The following ARHGAP28 variants were observed in gnomAD, a reference collection of about 807,000 sequenced individuals.
ARHGAP28 encodes the protein rho GTPase-activating protein 28.
ARHGAP28 carries 56 observed loss-of-function variants against 90.7 expected under a neutral mutation model. The ratio of observed to expected loss-of-function variants is 0.62; its 90% CI spans 0.50 to 0.77. The LOEUF (loss-of-function observed/expected upper bound fraction) is 0.77. ARHGAP28 is among the 30% of genes least tolerant of loss of function. The pLI is 0.00. For missense variants in ARHGAP28, 869 were observed against 900.9 expected (o/e 0.96, Z 0.45); for synonymous variants, 308 against 323.3 (o/e 0.95, Z 0.51).
chr18:6,799,248 A>T (rs2056464218), intron 1 of ARHGAP28, among the ~76,000 whole-genome samples: 1 of 152,242 alleles, frequency 6.6e-6, no homozygotes. Context: ...GACACAAAAA[A>T]ATGGAAAAAC....
chr18:6,858,869 T>TAA lies in ARHGAP28; in HGVS notation c.637-927_637-926dup, dbSNP rs11443979. On this transcript the variant is annotated intron_variant, in intron 4 of 17. Transcript: ENST00000383472. ...AGTTCTTGTTTCTTATTTGTTTCTT[T>TAA]AAAAAAAAAAAAAGATCTTTGTTCA... is the stretch of plus-strand genomic sequence containing the variant. Among the ~76,000 whole-genome samples the TAA allele has an allele frequency of 7.0e-4, 102 of 144,798 alleles. 1 individual carries two copies. The South Asian group carries it at 0.013, about 19-fold the overall frequency. The allele number at this position is 144,798 out of a possible 152,430, so 95.0% of individuals were successfully genotyped here.
chr18:6,858,211 A>C (rs2056969388), intron 4 of ARHGAP28, among the ~76,000 whole-genome samples: 1 of 152,136 alleles, frequency 6.6e-6, no homozygotes, highest in Non-Finnish European at 1.5e-5. Context: ...TTACGGCAAG[A>C]GAGGTCTGCC....
At position 6,913,873 on chromosome 18, in the gene ARHGAP28, A is replaced by C. The variant is rs1457924716; in HGVS notation, c.*1719A>C. 6.8e-6 allele frequency: 1 copy of C among 147,508 alleles called. No individual in the cohort carries two copies. Among genetic ancestry groups the C allele is most frequent in the Non-Finnish European group, 1.5e-5 (1 of 67,966 alleles). The allele number at this position is 147,508 out of a possible 1,614,324, so 9.1% of individuals were successfully genotyped here. A position where few individuals can be genotyped will look rare whatever the true frequency, so the allele number is the denominator to read the frequency against. Reference sequence around the variant, plus strand: ...TTACATAATGACTTTCTAGACTCTGAAAAAAATGCTTTTATCATTTTTGCA... The same window carrying C: ...TTACATAATGACTTTCTAGACTCTGCAAAAAATGCTTTTATCATTTTTGCA... On this transcript the variant is annotated 3_prime_UTR_variant, in exon 18 of 18. Transcript: ENST00000383472.
At chr18:6,827,663 G>A (rs1451864304) in intron 2 of ARHGAP28, among the ~76,000 whole-genome samples, 1 of 151,110 alleles carries the variant, frequency 6.6e-6, no homozygotes, top group African/African-American at 2.4e-5. Flanking sequence ...CCTCCCTCCT[G>A]GATGGGGCGG....
intron 1 of ARHGAP28, among the ~76,000 whole-genome samples, chr18:6,777,627 C>T (rs1024045186): frequency 6.6e-6 from 1 of 151,814 alleles, no homozygotes; most frequent in Non-Finnish European, 1.5e-5. Flanking sequence ...TGGAAAGCTG[C>T]GGTGGGAGAA....
At chr18:6,840,633 A>G (rs2056799634) in intron 3 of ARHGAP28, among the ~76,000 whole-genome samples, 1 of 152,140 alleles carries the variant, frequency 6.6e-6, no homozygotes, top group Admixed American at 6.5e-5. Flanking sequence ...AGGAGTGAGG[A>G]ATGGCCCAGG....
intron 1 of ARHGAP28, among the ~76,000 whole-genome samples, chr18:6,737,784 G>T (rs1051465317): frequency 1.4e-4 from 22 of 152,134 alleles, no homozygotes; most frequent in African/African-American, 5.1e-4. Context: ...AGTTGCATTA[G>T]TCTCTAAAGT....
chr18:6,729,964 C>T lies in ARHGAP28; in HGVS notation c.122+21C>T. ...AGCAGGTACCCGGAGCCGCTCCCAC[C>T]AGGGCGGCGCAGTCGCGCTGGGCTT... On this transcript the variant is annotated intron_variant, in intron 1 of 17. Coordinates refer to ENST00000383472, the MANE Select transcript of ARHGAP28 (RefSeq NM_001366230.1). The T allele has an allele frequency of 2.3e-6, 3 of 1,327,736 alleles. No individual in the cohort carries two copies. The South Asian group carries it at 5.9e-5, about 26-fold the overall frequency. The allele number at this position is 1,327,736 out of a possible 1,614,324, so 82.2% of individuals were successfully genotyped here. A position where few individuals can be genotyped will look rare whatever the true frequency, so the allele number is the denominator to read the frequency against.
intron 3 of ARHGAP28, among the ~76,000 whole-genome samples, chr18:6,849,858 G>C (rs1414450640): frequency 6.6e-6 from 1 of 151,816 alleles, no homozygotes; most frequent in Non-Finnish European, 1.5e-5. Flanking sequence ...TCAGCTTTTT[G>C]TTTCTGATAA....
chr18:6,835,622 C>T (rs1407144760), intron 2 of ARHGAP28, among the ~76,000 whole-genome samples: 1 of 152,194 alleles, frequency 6.6e-6, no homozygotes, highest in Non-Finnish European at 1.5e-5. Context: ...ACAACCCTCA[C>T]TTGGGTAATG....
At chr18:6,905,453 TAAC>T (rs1043852424) in intron 16 of ARHGAP28, among the ~76,000 whole-genome samples, 1 of 152,108 alleles carries the variant, frequency 6.6e-6, no homozygotes, top group Non-Finnish European at 1.5e-5. Flanking sequence ...ACATCATCCT[TAAC>T]AACGAAGGAT....
At chr18:6,896,685 A>G in intron 16 of ARHGAP28, 59 bp downstream of exon 16, 1 of 1,591,676 alleles carries the variant, frequency 6.3e-7, no homozygotes. Flanking sequence ...TCAGATGAAT[A>G]ACTTTCTAGG....
intron 1 of ARHGAP28, among the ~76,000 whole-genome samples, chr18:6,823,377 T>C (rs2056638887): frequency 6.6e-6 from 1 of 152,104 alleles, no homozygotes; most frequent in African/African-American, 2.4e-5. Context: ...TGTTGTTTCT[T>C]GTGTCTGAAT....
chr18:6,772,292 G>A (rs1378285073), intron 1 of ARHGAP28, among the ~76,000 whole-genome samples: 1 of 152,168 alleles, frequency 6.6e-6, no homozygotes, highest in East Asian at 1.9e-4. Context: ...CTAACAGAAT[G>A]TAAGGTCATA....
intron 4 of ARHGAP28, among the ~76,000 whole-genome samples, chr18:6,856,057 G>T (rs1476257010): frequency 6.6e-6 from 1 of 152,124 alleles, no homozygotes; most frequent in Non-Finnish European, 1.5e-5. Context: ...CCAGTGGGCG[G>T]AATGAACCCA....
At chr18:6,864,540 T>C (rs566520233) in intron 5 of ARHGAP28, among the ~76,000 whole-genome samples, 58 of 152,338 alleles carry the variant, frequency 3.8e-4, no homozygotes, top group Non-Finnish European at 2.9e-5. Context: ...CATACACAAA[T>C]GTTTATTTAC....
chr18:6,869,977 T>A (rs903126415), intron 6 of ARHGAP28, among the ~76,000 whole-genome samples: 1 of 152,192 alleles, frequency 6.6e-6, no homozygotes, highest in Non-Finnish European at 1.5e-5. Flanking sequence ...TAAGGGGTAC[T>A]ACATATAACC....
chr18:6,783,945 G>A (rs1026935195), intron 1 of ARHGAP28, among the ~76,000 whole-genome samples: 3 of 152,122 alleles, frequency 2.0e-5, no homozygotes, highest in Non-Finnish European at 4.4e-5. Flanking sequence ...TGGGCTTCCC[G>A]TCTAGGGCTG....
At position 6,894,884 on chromosome 18, in the gene ARHGAP28, G is replaced by A. The variant is rs1415130753; in HGVS notation, c.1898G>A (p.Arg633Lys). 6.2e-7 allele frequency: 1 copy of A among 1,614,002 alleles called. No homozygotes were observed. The highest frequency in any genetic ancestry group is 1.7e-5 in the Admixed American group (1 of 60,006). The change falls in exon 15 of 18, where the codon AGA becomes AAA. Residue 633 changes from arginine to lysine, a missense_variant. Arg to Lys is a conservative substitution (Grantham distance 26, BLOSUM62 2). Transcript: ENST00000383472. ...SKVLQKSPSA[R>K]RMSDVPEGVI... The stretch of plus-strand genomic sequence containing the variant: ...GTACTGCAAAAATCACCCTCGGCAA[G>A]ACGAATGGTAAGAAAAATAATTTCT...
Sources: allele counts gnomAD v4.1 joint callset (sites outside exome capture counted in the v4.1 genomes callset), GRCh38; gene constraint gnomAD v4.1.1; transcripts MANE v1.5; gene names NCBI Gene and HGNC (gene_info 2026-07-23, HGNC 2026-07-21).